HVCN1: variants seen among roughly 807,000 people sequenced by gnomAD.
The protein encoded by HVCN1 is voltage-gated hydrogen channel 1.
Under a neutral mutation model 29.2 loss-of-function variants are expected in HVCN1, and 14 were observed. The ratio of observed to expected loss-of-function variants is 0.48; its 90% CI spans 0.32 to 0.75. HVCN1 has a LOEUF of 0.75. HVCN1 is among the 30% of genes least tolerant of loss of function. The pLI, the probability that HVCN1 is intolerant of heterozygous loss-of-function variation, is 0.04. For missense variants in HVCN1, 263 were observed against 341.8 expected (o/e 0.77, Z 1.82); for synonymous variants, 131 against 133.2 (o/e 0.98, Z 0.11).
chr12:110,673,197 G>A (rs539171685), intron 3 of HVCN1, among the ~76,000 whole-genome samples: 1 of 152,306 alleles, frequency 6.6e-6, no homozygotes, highest in South Asian at 2.1e-4. Context: ...ATGGAGATGA[G>A]GAACTTTTTG....
Position 110,659,630 on chromosome 12 carries a change from C to G in HVCN1, c.306+1534G>C, listed in dbSNP as rs560840075. 1.1e-4 allele frequency among the ~76,000 whole-genome samples: 17 copies of G among 152,296 alleles called. 1 individual carries two copies. In the South Asian group the frequency reaches 3.5e-3, roughly 32 times the overall value. On this transcript the variant is annotated intron_variant, in intron 4 of 7. Coordinates refer to ENST00000242607, the MANE Select transcript of HVCN1 (RefSeq NM_032369.4). ...ATTTGTCCCTCAAAATCAGAAATGT[C>G]CTTCTAGACTGTGTATGGTGGCTCA... is the stretch of plus-strand genomic sequence containing the variant.
At chr12:110,696,554 A>G (rs1159668496) in intron 2 of HVCN1, among the ~76,000 whole-genome samples, 2 of 150,274 alleles carry the variant, frequency 1.3e-5, no homozygotes, top group African/African-American at 2.4e-5. Context: ...ATCTCTAAGA[A>G]AAAAAAAAAG....
upstream of HVCN1, among the ~76,000 whole-genome samples, chr12:110,689,985 T>TA (rs2069367759): frequency 6.6e-6 from 1 of 152,220 alleles, no homozygotes; most frequent in Non-Finnish European, 1.5e-5. This position sits in a 1 kb window ranked among gnomAD's most constrained non-coding sequence, Gnocchi z 5.7. Context: ...GGGGTTGTGT[T>TA]AGTTTCCTCA....
At chr12:110,667,345 G>A (rs570731485) in intron 3 of HVCN1, among the ~76,000 whole-genome samples, 8 of 152,262 alleles carry the variant, frequency 5.3e-5, no homozygotes, top group African/African-American at 1.9e-4. Context: ...TGTTGGCCAA[G>A]CTGGTCTCGA....
chr12:110,672,929 A>G (rs2068632156), intron 3 of HVCN1, among the ~76,000 whole-genome samples: 2 of 152,202 alleles, frequency 1.3e-5, no homozygotes, highest in South Asian at 4.1e-4. Flanking sequence ...TCCCAGTCTC[A>G]GGTGCGTCTT....
upstream of HVCN1, among the ~76,000 whole-genome samples, chr12:110,692,081 G>A (rs1336804311): frequency 1.3e-5 from 2 of 152,202 alleles, no homozygotes; most frequent in East Asian, 3.8e-4. Context: ...CCCAGGCACA[G>A]GATTTGACCT....
chr12:110,691,468 A>C (rs750644519), upstream of HVCN1, among the ~76,000 whole-genome samples: 4 of 152,006 alleles, frequency 2.6e-5, no homozygotes, highest in Non-Finnish European at 5.9e-5. Context: ...GTCCATTTTC[A>C]ACTTCAACTT....
chr12:110,696,509 G>C lies in HVCN1; in HGVS notation c.-104+5800C>G, dbSNP rs561287596. On this transcript the variant is annotated intron_variant, in intron 2 of 4. Transcript: ENST00000546713. ...GCAGGAGGATTGCTTGAGCCCAGGA[G>C]GTGGAGACCAGCCTGGGCAACATAG... is the stretch of plus-strand genomic sequence containing the variant. Among the ~76,000 whole-genome samples the C allele has an allele frequency of 7.2e-5, 11 of 151,818 alleles. 1 individual carries two copies. The South Asian group carries it at 1.5e-3, about 20-fold the overall frequency.
intron 1 of HVCN1, among the ~76,000 whole-genome samples, chr12:110,702,768 C>A (rs1173620833): frequency 6.6e-6 from 1 of 152,108 alleles, no homozygotes; most frequent in Non-Finnish European, 1.5e-5. Flanking sequence ...GATTCTCCTG[C>A]CTCAGCCTCC....
intron 2 of HVCN1, among the ~76,000 whole-genome samples, chr12:110,686,126 G>A (rs914116494): frequency 6.6e-6 from 1 of 152,000 alleles, no homozygotes; most frequent in Non-Finnish European, 1.5e-5. Flanking sequence ...AGCCTCCTGA[G>A]TAGCTGGGAT....
At chr12:110,668,594 G>A (rs746586439) in intron 3 of HVCN1, among the ~76,000 whole-genome samples, 1 of 152,152 alleles carries the variant, frequency 6.6e-6, no homozygotes, top group African/African-American at 2.4e-5. Flanking sequence ...GCCTGCCTCT[G>A]CATCCCTCAG....
chr12:110,668,277 A>G (rs7977229), intron 3 of HVCN1, among the ~76,000 whole-genome samples: 20,780 of 152,190 alleles, frequency 0.14, 1,858 homozygotes, highest in African/African-American at 0.26. Flanking sequence ...CAAGATGGGC[A>G]GATCACTTCA....
chr12:110,698,506 G>T (rs369113631), intron 2 of HVCN1, among the ~76,000 whole-genome samples: 3 of 152,194 alleles, frequency 2.0e-5, no homozygotes, highest in Admixed American at 2.0e-4. Context: ...TTCCGCAGCC[G>T]CTGCAGCACT....
At chr12:110,657,923 G>A (rs1293602165) in intron 4 of HVCN1, among the ~76,000 whole-genome samples, 1 of 152,208 alleles carries the variant, frequency 6.6e-6, no homozygotes, top group Non-Finnish European at 1.5e-5. Flanking sequence ...CATCTGCCTG[G>A]ACCTTGGACA....
chr12:110,703,043 C>T (rs2069577644), intron 1 of HVCN1, among the ~76,000 whole-genome samples: 1 of 151,884 alleles, frequency 6.6e-6, no homozygotes, highest in South Asian at 2.1e-4. Flanking sequence ...CTGCCTTGGC[C>T]TCCCAAAGTT....
At chr12:110,704,459 G>T (rs2069588404) in intron 1 of HVCN1, among the ~76,000 whole-genome samples, 1 of 151,758 alleles carries the variant, frequency 6.6e-6, no homozygotes. Flanking sequence ...GACCAGCCTG[G>T]GGCAACATAG....
intron 3 of HVCN1, among the ~76,000 whole-genome samples, chr12:110,679,778 G>A (rs929471209): frequency 9.2e-5 from 14 of 152,126 alleles, no homozygotes; most frequent in Admixed American, 3.3e-4. Flanking sequence ...GCGTGAACCC[G>A]GGAAGCGGAG....
rs1372006350 is a variant in HVCN1, at chr12:110,661,548, G to C, written c.22-100C>G. ...GGCCACTGCAGGTGAAGATGGTCCC[G>C]GGTGCGTAGAACCCCCTGCAAGCAG... On this transcript the variant is annotated intron_variant, in intron 3 of 7. Coordinates refer to ENST00000242607, the MANE Select transcript of HVCN1 (RefSeq NM_032369.4). This position sits in a 1 kb window ranked among gnomAD's most constrained non-coding sequence, Gnocchi z 6.2. 1.8e-5 allele frequency: 21 copies of C among 1,149,644 alleles called. No individual in the cohort carries two copies. Among genetic ancestry groups the C allele is most frequent in the Non-Finnish European group, 2.5e-5 (20 of 809,378 alleles). The allele number at this position is 1,149,644 out of a possible 1,614,324, so 71.2% of individuals were successfully genotyped here.
At chr12:110,649,629 C>CAGAT (rs1176213045) in intron 7 of HVCN1, among the ~76,000 whole-genome samples, 154 bp from the exon 8 acceptor site, 2 of 152,102 alleles carry the variant, frequency 1.3e-5, no homozygotes, top group Non-Finnish European at 2.9e-5. Flanking sequence ...CTGCTACAAT[C>CAGAT]AGATAGGCTT....
Sources: allele counts gnomAD v4.1 joint callset (sites outside exome capture counted in the v4.1 genomes callset), GRCh38; gene constraint gnomAD v4.1.1; non-coding constraint Gnocchi (gnomAD v3.1); transcripts MANE v1.5; gene names NCBI Gene and HGNC (gene_info 2026-07-23, HGNC 2026-07-21).